TMEM14A: variants seen among roughly 807,000 people sequenced by gnomAD.
TMEM14A encodes transmembrane protein 14A.
TMEM14A carries 8 observed loss-of-function variants against 11.6 expected under a neutral mutation model. The ratio of observed to expected loss-of-function variants is 0.69; its 90% confidence interval spans 0.40 to 1.24. TMEM14A has a LOEUF of 1.24. Among genes scored for constraint, TMEM14A ranks in the 50% most tolerant of loss-of-function variants. The probability of loss-of-function intolerance (pLI) is 0.01; values close to 1 mark genes in which losing one functional copy is unlikely to be tolerated. For missense variants in TMEM14A, 108 were observed against 121.9 expected, an observed-to-expected ratio of 0.89 and a Z score of 0.54; for synonymous variants, 34 against 45.5, an observed-to-expected ratio of 0.75 and a Z score of 1.02.
rs1027493813 is a variant in TMEM14A at position 52,674,917 on chromosome 6, C to T, written c.-16-2170C>T. On this transcript the variant is annotated intron_variant, in intron 1 of 4. Coordinates refer to ENST00000211314, the MANE Select transcript of TMEM14A (RefSeq NM_014051.4). The stretch of plus-strand genomic sequence containing the variant: ...TTTTTTTTTTTTTTTTTTTGAGACG[C>T]CCAGGCTGGAGTGCAGTGGCACGAT... Among the ~76,000 whole-genome samples, 10 of 147,386 alleles carry T rather than the reference C, an allele frequency of 6.8e-5. 1 individual carries two copies.
At chr6:52,680,611 A>ATATATATATATATATATG (rs1342408407) in intron 2 of TMEM14A, among the ~76,000 whole-genome samples, 1 of 107,560 alleles carries the variant, frequency 9.3e-6, no homozygotes, top group Non-Finnish European at 1.9e-5. Flanking sequence ...ATATATATAT[A>ATATATATATATATATATG]TGTATATATA....
At chr6:52,681,070 G>A (rs1167193735) in intron 2 of TMEM14A, among the ~76,000 whole-genome samples, 1 of 152,014 alleles carries the variant, frequency 6.6e-6, no homozygotes, top group Non-Finnish European at 1.5e-5. Context: ...TCTAAATAGG[G>A]TGAGTTCCAT....
chr6:52,672,570 C>G (rs1769181799), intron 1 of TMEM14A, among the ~76,000 whole-genome samples: 1 of 152,112 alleles, frequency 6.6e-6, no homozygotes. Flanking sequence ...TGCTGCTGTT[C>G]CCATGTTCTC....
chr6:52,684,502 C>T (rs1201206082), intron 4 of TMEM14A, among the ~76,000 whole-genome samples: 1 of 152,070 alleles, frequency 6.6e-6, no homozygotes, highest in African/African-American at 2.4e-5. Context: ...ATACTCAGTC[C>T]CTTTTAGAGA....
chr6:52,685,498 T>C (rs1435002403), intron 4 of TMEM14A, among the ~76,000 whole-genome samples: 1 of 151,910 alleles, frequency 6.6e-6, no homozygotes, highest in Non-Finnish European at 1.5e-5. Flanking sequence ...GGCAGGAGAA[T>C]TGCTTGAGCT....
Position 52,681,919 on chromosome 6 carries a change from GT to G in TMEM14A, c.172+6del. 1 of 1,612,752 alleles carries G rather than the reference GT, an allele frequency of 6.2e-7. No homozygotes were observed. Among genetic ancestry groups the G allele is most frequent in the Non-Finnish European group, 8.5e-7 (1 of 1,178,912 alleles). On this transcript the variant is annotated splice_donor_region_variant and intron_variant, in intron 3 of 4. Coordinates refer to ENST00000211314, the MANE Select transcript of TMEM14A (RefSeq NM_014051.4). ...GAGATGTAAAAGTGTCACTGTGTAA[GT>G]AAGGCATTTTTCCTGGTTACAGAGA...
intron 2 of TMEM14A, among the ~76,000 whole-genome samples, chr6:52,679,868 G>A (rs1217393080): frequency 6.6e-6 from 1 of 150,806 alleles, no homozygotes; most frequent in Non-Finnish European, 1.5e-5. Context: ...TTTGGTGGTG[G>A]TGGGGAGGGT....
intron 3 of TMEM14A, among the ~76,000 whole-genome samples, chr6:52,683,229 G>A (rs1012486610): frequency 1.7e-4 from 26 of 152,116 alleles, no homozygotes; most frequent in African/African-American, 6.3e-4. Context: ...GGAGGCTGAG[G>A]CCGGTGGATC....
At chr6:52,678,635 G>A (rs1769307726) in intron 2 of TMEM14A, among the ~76,000 whole-genome samples, 1 of 152,170 alleles carries the variant, frequency 6.6e-6, no homozygotes, top group Non-Finnish European at 1.5e-5. Flanking sequence ...CTGCATTCCA[G>A]TCTTGACGCT....
In TMEM14A at chr6:52,686,575, C is replaced by A; in HGVS notation, c.*526C>A. 1 of 364,184 alleles carries A rather than the reference C, an allele frequency of 2.7e-6. No individual in the cohort carries two copies. Among genetic ancestry groups the A allele is most frequent in the Admixed American group, 4.7e-5 (1 of 21,342 alleles). 22.6% of individuals were successfully genotyped at this position (364,184 alleles called of 1,614,324 possible). On this transcript the variant is annotated 3_prime_UTR_variant, in exon 5 of 5. Transcript: ENST00000211314. ...ATGTATTCAGTATTCAAATAAAAGACATTTTGGTTCAAACCTGTTTCTTTC... is the reference window on the plus strand; with the variant it reads ...ATGTATTCAGTATTCAAATAAAAGAAATTTTGGTTCAAACCTGTTTCTTTC...
At chr6:52,672,462 G>GAA (rs199844339) in intron 1 of TMEM14A, among the ~76,000 whole-genome samples, 1,970 of 152,096 alleles carry the variant, frequency 0.013, 46 homozygotes, top group African/African-American at 0.044. Context: ...TGTATGTAAG[G>GAA]GTGTTTTCCG....
intron 4 of TMEM14A, among the ~76,000 whole-genome samples, chr6:52,684,579 A>T (rs918297348): frequency 1.3e-5 from 2 of 152,236 alleles, no homozygotes; most frequent in Non-Finnish European, 2.9e-5. Context: ...TAATATTTTT[A>T]AGAGTTTTTA....
chr6:52,676,765 G>A (rs1769263985), intron 1 of TMEM14A, among the ~76,000 whole-genome samples: 3 of 152,162 alleles, frequency 2.0e-5, no homozygotes, highest in Admixed American at 6.5e-5. Context: ...GAAGGCAAAG[G>A]GGAAGCAAGC....
intron 2 of TMEM14A, among the ~76,000 whole-genome samples, chr6:52,677,642 GT>G (rs1769284810): frequency 6.6e-6 from 1 of 151,968 alleles, no homozygotes; most frequent in Non-Finnish European, 1.5e-5. Flanking sequence ...CAATTAAAGA[GT>G]TTTCATGGAG....
chr6:52,680,657 G>GTGTATATATATATA (rs1769357098), intron 2 of TMEM14A, among the ~76,000 whole-genome samples: 6 of 46,642 alleles, frequency 1.3e-4, no homozygotes, highest in Non-Finnish European at 2.0e-4. Context: ...ATATGTGTGT[G>GTGTATATATATATA]TATATATATG....
At chr6:52,685,978 C>G in intron 4 of TMEM14A, 32 bp from the exon 5 acceptor site, 1 of 1,605,578 alleles carries the variant, frequency 6.2e-7, no homozygotes. Context: ...AAAAGTGACT[C>G]TCCCTTTGTC....
intron 2 of TMEM14A, among the ~76,000 whole-genome samples, chr6:52,679,474 G>A (rs1237045139): frequency 6.6e-6 from 1 of 152,142 alleles, no homozygotes; most frequent in Non-Finnish European, 1.5e-5. Flanking sequence ...TGCTGGGCAG[G>A]CTGCTATTTG....
At chr6:52,675,658 T>A (rs1342256025) in intron 1 of TMEM14A, among the ~76,000 whole-genome samples, 2 of 152,214 alleles carry the variant, frequency 1.3e-5, no homozygotes, top group Non-Finnish European at 2.9e-5. Context: ...TATATTGTAT[T>A]CTTTAGTGAT....
Position 52,671,153 on chromosome 6 carries a change from C to G in TMEM14A, c.-109C>G, listed in dbSNP as rs144495480. 2.0e-5 allele frequency: 3 copies of G among 152,304 alleles called. No homozygotes were observed. The highest frequency in any genetic ancestry group is 7.2e-5 in the African/African-American group (3 of 41,480). 9.4% of individuals were successfully genotyped at this position (152,304 alleles called of 1,614,324 possible). ...GGCGCCGAGTGGGACAGCGCTGGTGCGGAGACTGCTTCCGGACTCCAGGTA... is the reference window on the plus strand; with the variant it reads ...GGCGCCGAGTGGGACAGCGCTGGTGGGGAGACTGCTTCCGGACTCCAGGTA... On this transcript the variant is annotated 5_prime_UTR_variant, in exon 1 of 5. Coordinates refer to ENST00000211314, the MANE Select transcript of TMEM14A (RefSeq NM_014051.4).
Sources: gnomAD v4.1 joint callset for allele counts (sites outside exome capture counted in the v4.1 genomes callset) on GRCh38, gnomAD v4.1.1 for gene constraint, MANE v1.5 for transcripts, NCBI Gene and HGNC (gene_info 2026-07-23, HGNC 2026-07-21) for gene names.